The following CA10 variants were observed in gnomAD, a reference collection of about 807,000 sequenced individuals.
CA10 encodes the protein carbonic anhydrase 10 (inactive).
A neutral mutation model predicts 44.2 loss-of-function variants in CA10; 14 were observed. That is an observed-to-expected ratio of 0.32 (90% CI 0.21 to 0.50). The LOEUF is 0.50. Among genes scored for constraint, CA10 ranks in the 20% least tolerant of loss-of-function variants. CA10 has a pLI of 0.99. For missense variants in CA10, 350 were observed against 409.7 expected (o/e 0.85, Z 1.26); for synonymous variants, 159 against 141.6 (o/e 1.12, Z -0.87).
At chr17:52,025,454 CT>C (rs60687837) in intron 2 of CA10, among the ~76,000 whole-genome samples, 2,423 of 152,242 alleles carry the variant, frequency 0.016, 71 homozygotes, top group African/African-American at 0.056. Flanking sequence ...ACAGCACATA[CT>C]TCAGAAGAGA....
intron 2 of CA10, among the ~76,000 whole-genome samples, chr17:52,019,089 C>G (rs559568871): frequency 2.0e-4 from 30 of 152,214 alleles, no homozygotes; most frequent in African/African-American, 7.2e-4. Flanking sequence ...GATTCTAATG[C>G]CATGCTTCCT....
At chr17:51,792,155 T>C (rs1187132284) in intron 3 of CA10, among the ~76,000 whole-genome samples, 1 of 152,178 alleles carries the variant, frequency 6.6e-6, no homozygotes, top group Non-Finnish European at 1.5e-5. Flanking sequence ...GAGAAGGATA[T>C]TACTTTCTCG....
chr17:52,059,836 A>T (rs1987333706), intron 2 of CA10, among the ~76,000 whole-genome samples: 1 of 152,100 alleles, frequency 6.6e-6, no homozygotes, highest in African/African-American at 2.4e-5. Flanking sequence ...ACAAAATTCT[A>T]CTCTCAAACA....
At chr17:51,782,500 A>G (rs1328919037) in intron 3 of CA10, among the ~76,000 whole-genome samples, 1 of 152,252 alleles carries the variant, frequency 6.6e-6, no homozygotes, top group African/African-American at 2.4e-5. Context: ...ACAATGGCAG[A>G]TGGTATCCAG....
intron 2 of CA10, among the ~76,000 whole-genome samples, chr17:52,034,003 T>C (rs932225938): frequency 1.2e-4 from 18 of 151,910 alleles, no homozygotes; most frequent in African/African-American, 4.1e-4. Context: ...AGAAGCAGAG[T>C]GAAATGGTGG....
chr17:51,958,352 G>A (rs1339631669), intron 2 of CA10, among the ~76,000 whole-genome samples: 2 of 151,600 alleles, frequency 1.3e-5, no homozygotes, highest in Non-Finnish European at 2.9e-5. Flanking sequence ...AATTGTGTAT[G>A]TTTGAGTGGG....
rs916469374 is a variant in CA10 at position 51,931,800 on chromosome 17, G to A, written c.137-668C>T. 8.5e-5 allele frequency among the ~76,000 whole-genome samples: 13 copies of A among 152,210 alleles called. No homozygotes were observed. In the East Asian group the frequency reaches 1.4e-3, roughly 16 times the overall value. ...TGAGCACAAATACCCAAAGGAAACC[G>A]TCCACTCATTTTCAGTGTCACATGA... On this transcript the variant is annotated intron_variant, in intron 2 of 8. Transcript: ENST00000451037.
At chr17:51,677,896 C>A (rs117141525) in intron 4 of CA10, among the ~76,000 whole-genome samples, 1,468 of 142,182 alleles carry the variant, frequency 0.01, 18 homozygotes, top group South Asian at 0.018. Context: ...CCCCCCCCCC[C>A]ACCGGCTGCC....
rs10451287 is a variant in CA10 at position 51,904,572 on chromosome 17, G to A, written c.279+26418C>T. The stretch of plus-strand genomic sequence containing the variant: ...CACCAGAGTATAGAAAAAAAGTCAC[G>A]TGATACACTTTTAAGTCATAAAAAG... On this transcript the variant is annotated intron_variant, in intron 3 of 8. Coordinates refer to ENST00000451037, the MANE Select transcript of CA10 (RefSeq NM_020178.5). Among the ~76,000 whole-genome samples the A allele has an allele frequency of 3.2e-3, 491 of 152,182 alleles. 2 individuals carry two copies. Among genetic ancestry groups the A allele is most frequent in the African/African-American group, 0.011 (469 of 41,532 alleles).
chr17:51,811,063 G>A (rs559020289), intron 3 of CA10, among the ~76,000 whole-genome samples: 1 of 152,196 alleles, frequency 6.6e-6, no homozygotes. Flanking sequence ...GGGCATGGTG[G>A]TGGGTGCCTG....
intron 3 of CA10, among the ~76,000 whole-genome samples, chr17:51,879,799 GGGA>G (rs1396586757): frequency 1.2e-4 from 18 of 152,298 alleles, no homozygotes; most frequent in Middle Eastern, 3.4e-3. Context: ...ATCCACATTA[GGGA>G]GGAGAATTCT....
chr17:52,002,637 T>C (rs1985463992), intron 2 of CA10, among the ~76,000 whole-genome samples: 1 of 152,006 alleles, frequency 6.6e-6, no homozygotes, highest in African/African-American at 2.4e-5. Context: ...ATAATTTTAT[T>C]TTATTCTTAA....
chr17:52,095,991 G>A (rs1988391591), intron 1 of CA10, among the ~76,000 whole-genome samples: 3 of 152,140 alleles, frequency 2.0e-5, no homozygotes, highest in Admixed American at 2.0e-4. Context: ...TTTATTACCT[G>A]TGAAATCTTG....
In CA10 at chr17:52,100,804, C is replaced by T. The variant is rs114429610; in HGVS notation, c.62-28411G>A. ...TCCTGATATCCATCAGTATCACCCACCATCGATCTTGCCCTACTTTGATTT... is the reference window on the plus strand; with the variant it reads ...TCCTGATATCCATCAGTATCACCCATCATCGATCTTGCCCTACTTTGATTT... On this transcript the variant is annotated intron_variant, in intron 1 of 8. Transcript: ENST00000451037. Among the ~76,000 whole-genome samples the T allele has an allele frequency of 1.4e-3, 220 of 152,260 alleles. 1 individual carries two copies. The highest frequency in any genetic ancestry group is 5.1e-3 in the African/African-American group (210 of 41,556).
At chr17:52,005,645 T>C (rs1985572014) in intron 2 of CA10, among the ~76,000 whole-genome samples, 1 of 152,008 alleles carries the variant, frequency 6.6e-6, no homozygotes, top group African/African-American at 2.4e-5. Context: ...TACCAGACTT[T>C]CATGGTCCAG....
intron 4 of CA10, among the ~76,000 whole-genome samples, chr17:51,745,322 A>G (rs372377367): frequency 1.3e-5 from 2 of 152,158 alleles, no homozygotes; most frequent in African/African-American, 4.8e-5. Context: ...ATATCCTGAG[A>G]CTGATTCAGT....
At chr17:51,809,979 C>T (rs1907291056) in intron 3 of CA10, among the ~76,000 whole-genome samples, 1 of 152,172 alleles carries the variant, frequency 6.6e-6, no homozygotes, top group Admixed American at 6.5e-5. Context: ...TATAAGCCAT[C>T]ATCCATCTTG....
At chr17:51,847,020 C>A (rs1174404475) in intron 3 of CA10, among the ~76,000 whole-genome samples, 1 of 152,164 alleles carries the variant, frequency 6.6e-6, no homozygotes, top group Non-Finnish European at 1.5e-5. Context: ...ATAATATGGA[C>A]AGTTTAGTGT....
intron 3 of CA10, among the ~76,000 whole-genome samples, chr17:51,758,959 T>G (rs1232815999): frequency 1.3e-5 from 2 of 152,150 alleles, no homozygotes; most frequent in African/African-American, 2.4e-5. Context: ...GTCAATCTCC[T>G]TATGCTTCAC....
Sources: allele counts gnomAD v4.1 joint callset (sites outside exome capture counted in the v4.1 genomes callset), GRCh38; gene constraint gnomAD v4.1.1; transcripts MANE v1.5; gene names NCBI Gene and HGNC (gene_info 2026-07-23, HGNC 2026-07-21).